RBPJ: variants seen among roughly 807,000 people sequenced by gnomAD.
The protein encoded by RBPJ is recombination signal binding protein for immunoglobulin kappa J region.
In RBPJ, 9 loss-of-function variants were observed where a neutral mutation model predicts 67.8. That is an observed-to-expected ratio of 0.13 (90% CI 0.08 to 0.23). The LOEUF (loss-of-function observed/expected upper bound fraction) is 0.23, where lower values mean the gene tolerates loss of function less well. RBPJ is among the 10% of genes least tolerant of loss of function. The probability of loss-of-function intolerance (pLI) is 1.00; values close to 1 mark genes in which losing one functional copy is unlikely to be tolerated. For missense variants in RBPJ, 305 were observed against 595.6 expected (o/e 0.51, Z 5.08); for synonymous variants, 198 against 203.3 (o/e 0.97, Z 0.22).
At chr4:26,363,519 G>A (rs1238099751) in intron 1 of RBPJ, among the ~76,000 whole-genome samples, 2 of 152,162 alleles carry the variant, frequency 1.3e-5, no homozygotes, top group African/African-American at 2.4e-5. Flanking sequence ...GCTCACTGCA[G>A]CCTCTGCCTC....
At chr4:26,349,093 C>CGCGCGCGCGCGTGCGCACGCGCGCGCGT (rs113326244) in intron 1 of RBPJ, among the ~76,000 whole-genome samples, 1 of 150,738 alleles carries the variant, frequency 6.6e-6, no homozygotes, top group Non-Finnish European at 1.5e-5. Flanking sequence ...TGTGTGCGCG[C>CGCGCGCGCGCGTGCGCACGCGCGCGCGT]GCGCACGCAC....
the RBPJ span, among the ~76,000 whole-genome samples, chr4:26,156,621 A>C: frequency 8.2e-5 from 6 of 72,992 alleles, no homozygotes; most frequent in African/African-American, 1.7e-4. Context: ...TGTCCAGCCA[A>C]TTTTTGTATT....
chr4:26,184,879 T>C (rs1427337281), intron 1 of RBPJ, among the ~76,000 whole-genome samples: 1 of 152,118 alleles, frequency 6.6e-6, no homozygotes, highest in East Asian at 1.9e-4. Context: ...CGGTGGCTCA[T>C]GCCTGTAATC....
At chr4:26,426,099 G>A (rs994900396) in intron 7 of RBPJ, among the ~76,000 whole-genome samples, 21 of 152,166 alleles carry the variant, frequency 1.4e-4, no homozygotes, top group Non-Finnish European at 2.4e-4. Context: ...AAAGGGTAAC[G>A]TTAGGGAATG....
chr4:26,404,349 T>C (rs1733171251), intron 2 of RBPJ, among the ~76,000 whole-genome samples: 1 of 152,224 alleles, frequency 6.6e-6, no homozygotes, highest in Admixed American at 6.5e-5. Context: ...ACTCCATTGA[T>C]GGTTTCTTTT....
intron 1 of RBPJ, among the ~76,000 whole-genome samples, chr4:26,263,595 G>A (rs1720613202): frequency 6.6e-6 from 1 of 152,126 alleles, no homozygotes; most frequent in Non-Finnish European, 1.5e-5. Context: ...TTTTTGAGAA[G>A]GAGTCTCGCT....
At chr4:26,275,059 T>C (rs13112973) in intron 1 of RBPJ, among the ~76,000 whole-genome samples, 2,460 of 152,256 alleles carry the variant, frequency 0.016, 25 homozygotes, top group Middle Eastern at 0.024. Context: ...GATAGGGAGA[T>C]GGCCACATTG....
intron 1 of RBPJ, among the ~76,000 whole-genome samples, chr4:26,270,264 CA>C (rs1279316891): frequency 8.1e-6 from 1 of 123,390 alleles, no homozygotes; most frequent in African/African-American, 3.1e-5. Context: ...GCCTGGGCAA[CA>C]GAGCAAGATT....
intron 1 of RBPJ, among the ~76,000 whole-genome samples, chr4:26,325,630 T>TACA (rs1723546988): frequency 6.6e-6 from 1 of 152,254 alleles, no homozygotes; most frequent in African/African-American, 2.4e-5. Context: ...ATTCCTGGCA[T>TACA]GTAGCAAGTG....
the RBPJ span, among the ~76,000 whole-genome samples, chr4:26,131,562 C>G: frequency 6.6e-6 from 1 of 152,138 alleles, no homozygotes; most frequent in Non-Finnish European, 1.5e-5. Context: ...TCCCTGGAAC[C>G]TGCAAATGTT....
chr4:26,405,305 T>C (rs1394623627), intron 2 of RBPJ, among the ~76,000 whole-genome samples: 2 of 152,210 alleles, frequency 1.3e-5, no homozygotes, highest in African/African-American at 4.8e-5. Flanking sequence ...ACCTGATATT[T>C]GTCTTTATAG....
intron 3 of RBPJ, among the ~76,000 whole-genome samples, chr4:26,412,607 C>CA (rs1463421628): frequency 1.3e-5 from 2 of 152,094 alleles, no homozygotes; most frequent in Non-Finnish European, 2.9e-5. Context: ...AAAAAAAATT[C>CA]AAAACACTGT....
At chr4:26,323,995 G>A (rs895495074) in intron 1 of RBPJ, among the ~76,000 whole-genome samples, 3 of 152,116 alleles carry the variant, frequency 2.0e-5, no homozygotes, top group East Asian at 1.9e-4. Context: ...TTGACTAAAA[G>A]TTGTTATTTT....
At chr4:26,326,864 A>C (rs893154023) in intron 1 of RBPJ, among the ~76,000 whole-genome samples, 3 of 152,180 alleles carry the variant, frequency 2.0e-5, no homozygotes, top group African/African-American at 7.2e-5. Flanking sequence ...TTTGTGGGTC[A>C]TGTTTTAGGA....
intron 1 of RBPJ, among the ~76,000 whole-genome samples, chr4:26,214,430 AAGAG>A (rs1284305194): frequency 1.5e-4 from 21 of 141,362 alleles, no homozygotes; most frequent in South Asian, 4.6e-4. Context: ...GAAAGAGAAA[AAGAG>A]AGAGAAAGAG....
chr4:26,396,964 C>A (rs777993690), intron 2 of RBPJ, among the ~76,000 whole-genome samples: 45 of 152,088 alleles, frequency 3.0e-4, no homozygotes, highest in Non-Finnish European at 5.9e-4. Context: ...TTGATAGTAT[C>A]CCTAGATTGT....
chr4:26,202,984 AGG>A (rs1364635870), intron 1 of RBPJ, among the ~76,000 whole-genome samples: 1 of 146,222 alleles, frequency 6.8e-6, no homozygotes, highest in Non-Finnish European at 1.5e-5. Flanking sequence ...GAAGGAAGGA[AGG>A]AAGGAAGGAA....
At chr4:26,160,583 A>C (rs1271284143), upstream of RBPJ, among the ~76,000 whole-genome samples, 2 of 152,146 alleles carry the variant, frequency 1.3e-5, no homozygotes, top group African/African-American at 4.8e-5. Context: ...AAAACAACAT[A>C]AGTTTAGTTC....
At chr4:26,427,012 T>C (rs183627213) in intron 7 of RBPJ, among the ~76,000 whole-genome samples, 158 of 152,272 alleles carry the variant, frequency 1.0e-3, no homozygotes, top group Non-Finnish European at 1.6e-3. Flanking sequence ...TAGAAGTATA[T>C]GTGTGGCTGC....
Sources: gnomAD v4.1 joint callset for allele counts (sites outside exome capture counted in the v4.1 genomes callset) on GRCh38, gnomAD v4.1.1 for gene constraint, MANE v1.5 for transcripts, NCBI Gene and HGNC (gene_info 2026-07-23, HGNC 2026-07-21) for gene names.